RGS9: variants seen among roughly 807,000 people sequenced by gnomAD.
RGS9 encodes the protein regulator of G protein signaling 9.
In RGS9, 78 loss-of-function variants were observed where a neutral mutation model predicts 102.0. The ratio of observed to expected loss-of-function variants is 0.76; its 90% CI spans 0.64 to 0.92. The LOEUF (loss-of-function observed/expected upper bound fraction) is 0.92. Among genes scored for constraint, RGS9 ranks in the 40% least tolerant of loss-of-function variants. The pLI, the probability that RGS9 is intolerant of heterozygous loss-of-function variation, is 0.00. For missense variants in RGS9, 833 were observed against 866.1 expected (o/e 0.96, Z 0.48); for synonymous variants, 353 against 318.6 (o/e 1.11, Z -1.15).
chr17:65,184,454 A>G (rs1442689325), intron 9 of RGS9, among the ~76,000 whole-genome samples: 1 of 152,168 alleles, frequency 6.6e-6, no homozygotes, highest in Non-Finnish European at 1.5e-5. Context: ...CCTAATGAAT[A>G]GGCACTGTGT....
chr17:65,191,052 C>T (rs539202497), intron 11 of RGS9, among the ~76,000 whole-genome samples: 1 of 152,092 alleles, frequency 6.6e-6, no homozygotes, highest in Non-Finnish European at 1.5e-5. Flanking sequence ...TGCAAAAATG[C>T]CATCTGCCTG....
At chr17:65,219,891 A>T (rs547832602) in intron 17 of RGS9, among the ~76,000 whole-genome samples, 22 of 150,368 alleles carry the variant, frequency 1.5e-4, no homozygotes, top group Admixed American at 3.3e-4. Flanking sequence ...CACCATCATC[A>T]TCATCACTAT....
chr17:65,200,367 C>T (rs1413384851), intron 13 of RGS9, among the ~76,000 whole-genome samples: 1 of 152,204 alleles, frequency 6.6e-6, no homozygotes, highest in Non-Finnish European at 1.5e-5. Flanking sequence ...ATGATATTCC[C>T]TTGTAGTCTT....
At chr17:65,160,141 C>T in intron 3 of RGS9, 92 bp from the exon 4 acceptor site, 1 of 949,290 alleles carries the variant, frequency 1.1e-6, no homozygotes, top group East Asian at 2.4e-5. Context: ...GGAAGGGGCA[C>T]CTGTCCTGGA....
chr17:65,154,657 G>C (rs1292487397), intron 2 of RGS9, among the ~76,000 whole-genome samples: 4 of 152,158 alleles, frequency 2.6e-5, no homozygotes, highest in Non-Finnish European at 5.9e-5. Flanking sequence ...TGGGGGTGAG[G>C]TGCCTACAGA....
intron 16 of RGS9, among the ~76,000 whole-genome samples, chr17:65,210,083 C>T (rs1567890774): frequency 1.3e-5 from 2 of 151,954 alleles, no homozygotes; most frequent in Admixed American, 1.3e-4. Context: ...GTCCCCGCTG[C>T]CCACCCCCCA....
chr17:65,174,280 C>T (rs1413218982), intron 8 of RGS9, among the ~76,000 whole-genome samples: 1 of 152,136 alleles, frequency 6.6e-6, no homozygotes, highest in Non-Finnish European at 1.5e-5. Context: ...AGCAGATGAC[C>T]ACACCGAAGT....
At chr17:65,152,117 G>T (rs1910601019) in intron 1 of RGS9, among the ~76,000 whole-genome samples, 1 of 152,206 alleles carries the variant, frequency 6.6e-6, no homozygotes, top group African/African-American at 2.4e-5. Flanking sequence ...CAGGGTTGCA[G>T]CTTTAGGAAT....
chr17:65,193,134 G>A (rs1326919016), intron 11 of RGS9, among the ~76,000 whole-genome samples: 1 of 151,030 alleles, frequency 6.6e-6, no homozygotes, highest in Non-Finnish European at 1.5e-5. Flanking sequence ...AGCCTGGCCT[G>A]GTGGTGCGCG....
rs78836854 is a variant in RGS9 at position 65,173,592 on chromosome 17, G to A, written c.583-4140G>A. On this transcript the variant is annotated intron_variant, in intron 8 of 18. Coordinates refer to ENST00000262406, the MANE Select transcript of RGS9 (RefSeq NM_003835.4). The surrounding 1 kb of genome is among the most constrained non-coding windows in gnomAD (Gnocchi z 4.8). ...CTGGTGTTCACAGTTCCTCAGGGTGGAGGAGGGGAGCTTGCATGTCTCTGA... is the reference window on the plus strand; with the variant it reads ...CTGGTGTTCACAGTTCCTCAGGGTGAAGGAGGGGAGCTTGCATGTCTCTGA... Among the ~76,000 whole-genome samples the A allele has an allele frequency of 0.033, 5,093 of 152,350 alleles. 303 individuals carry two copies. The highest frequency in any genetic ancestry group is 0.12 in the African/African-American group (4,829 of 41,574).
intron 6 of RGS9, among the ~76,000 whole-genome samples, chr17:65,162,178 G>T (rs1219497406): frequency 6.6e-6 from 1 of 151,970 alleles, no homozygotes; most frequent in Non-Finnish European, 1.5e-5. Flanking sequence ...GATCACTCGA[G>T]GCCAGGAGTT....
At chr17:65,202,926 T>C (rs1279493458) in intron 14 of RGS9, among the ~76,000 whole-genome samples, 1 of 152,192 alleles carries the variant, frequency 6.6e-6, no homozygotes, top group African/African-American at 2.4e-5. Context: ...TCCTGGATAC[T>C]GAGGGCCCAG....
At chr17:65,224,825 G>T (rs540397417) in intron 17 of RGS9, among the ~76,000 whole-genome samples, 177 bp from the exon 18 acceptor site, 1 of 152,284 alleles carries the variant, frequency 6.6e-6, no homozygotes, top group African/African-American at 2.4e-5. Context: ...CCTCTGTGTG[G>T]CTGTGCCATT....
At chr17:65,183,066 A>G (rs2144047753) in intron 9 of RGS9, among the ~76,000 whole-genome samples, 1 of 47,100 alleles carries the variant, frequency 2.1e-5, no homozygotes, top group Non-Finnish European at 8.9e-5. Context: ...TTTTAAATCT[A>G]TCTATCTATC....
chr17:65,207,773 C>A, intron 15 of RGS9, 149 bp from the exon 16 acceptor site: 1 of 593,596 alleles, frequency 1.7e-6, no homozygotes, highest in South Asian at 1.7e-5. Context: ...CTGCTCTCAA[C>A]ACCTCCCCCA....
At chr17:65,204,437 A>T in intron 15 of RGS9, 136 bp downstream of exon 15, 1 of 1,023,394 alleles carries the variant, frequency 9.8e-7, no homozygotes, top group East Asian at 2.6e-5. Context: ...GCAGCTAAGC[A>T]TGGGGGCTCA....
intron 2 of RGS9, among the ~76,000 whole-genome samples, chr17:65,157,427 G>A (rs1910808058): frequency 6.6e-6 from 1 of 151,872 alleles, no homozygotes; most frequent in Admixed American, 6.6e-5. Context: ...CGGCAGCTCT[G>A]GGCTTGTTGG....
intron 14 of RGS9, among the ~76,000 whole-genome samples, chr17:65,202,408 G>GGGGTGTGTGT (rs1555616145): frequency 2.3e-5 from 3 of 132,342 alleles, no homozygotes; most frequent in African/African-American, 9.4e-5. Flanking sequence ...TGTCCTGAGG[G>GGGGTGTGTGT]GTGTGTGTGT....
intron 17 of RGS9, among the ~76,000 whole-genome samples, chr17:65,215,493 TTTCG>T (rs200877324): frequency 0.023 from 2,621 of 115,446 alleles, 52 homozygotes; most frequent in African/African-American, 0.064. Context: ...TCTTTCGTTC[TTTCG>T]TTCTTTCTTT....
Sources: allele counts gnomAD v4.1 joint callset (sites outside exome capture counted in the v4.1 genomes callset), GRCh38; gene constraint gnomAD v4.1.1; non-coding constraint Gnocchi (gnomAD v3.1); transcripts MANE v1.5; gene names NCBI Gene and HGNC (gene_info 2026-07-23, HGNC 2026-07-21).